CBFA2T3: variants seen among roughly 807,000 people sequenced by gnomAD.
The protein encoded by CBFA2T3 is transcriptional corepressor CBFA2T3.
In CBFA2T3, 31 loss-of-function variants were observed where a neutral mutation model predicts 58.6. The ratio of observed to expected loss-of-function variants is 0.53; its 90% confidence interval spans 0.40 to 0.71. The LOEUF (loss-of-function observed/expected upper bound fraction) is 0.71, where lower values mean the gene tolerates loss of function less well. Ranked by LOEUF, CBFA2T3 falls within the 30% of genes least tolerant of loss-of-function variation. CBFA2T3 has a pLI of 0.00. For synonymous variants in CBFA2T3, 531 were observed against 421.9 expected (o/e 1.26, Z -3.17); for missense variants, 1,076 against 963.1 (o/e 1.12, Z -1.55).
At chr16:88,913,606 C>T (rs1970596709) in intron 1 of CBFA2T3, among the ~76,000 whole-genome samples, 1 of 152,220 alleles carries the variant, frequency 6.6e-6, no homozygotes, top group Non-Finnish European at 1.5e-5. Flanking sequence ...GCCAATGCTG[C>T]ACTTGCCCTC....
At chr16:88,901,966 TG>T (rs1397000405) in intron 1 of CBFA2T3, among the ~76,000 whole-genome samples, 1 of 152,038 alleles carries the variant, frequency 6.6e-6, no homozygotes, top group African/African-American at 2.4e-5. Flanking sequence ...GACCAGGGAG[TG>T]GGCAGTGCCC....
At position 88,946,215 on chromosome 16, in the gene CBFA2T3, G is replaced by A. The variant is rs550792285; in HGVS notation, c.151+30442C>T. Among the ~76,000 whole-genome samples, 6 of 152,224 alleles carry A rather than the reference G, an allele frequency of 3.9e-5. No individual in the cohort carries two copies. In the South Asian group the frequency reaches 1.2e-3, roughly 32 times the overall value. On this transcript the variant is annotated intron_variant, in intron 1 of 11. Transcript: ENST00000268679. ...CCAGCTACTTGGGAGGCTGAGACAGGAGAATTGCTTGAACCCAGGAGGCAG... is the reference window on the plus strand; with the variant it reads ...CCAGCTACTTGGGAGGCTGAGACAGAAGAATTGCTTGAACCCAGGAGGCAG...
At chr16:88,898,564 C>A (rs2911455) in intron 2 of CBFA2T3, among the ~76,000 whole-genome samples, 2,406 of 152,350 alleles carry the variant, frequency 0.016, 60 homozygotes, top group African/African-American at 0.055. Flanking sequence ...AGGGGCGGGG[C>A]CCCTTGTTTT....
At chr16:88,899,776 G>T (rs1470467492) in intron 2 of CBFA2T3, among the ~76,000 whole-genome samples, 1 of 152,262 alleles carries the variant, frequency 6.6e-6, no homozygotes, top group African/African-American at 2.4e-5. Context: ...TGTCTGTGGA[G>T]CGGGTGTTTT....
At chr16:88,924,218 T>G (rs886637879) in intron 1 of CBFA2T3, among the ~76,000 whole-genome samples, 1 of 152,124 alleles carries the variant, frequency 6.6e-6, no homozygotes, top group Non-Finnish European at 1.5e-5. Flanking sequence ...TGAGCCTGAG[T>G]GAAGATCTGC....
rs546761451 is a variant in CBFA2T3 at position 88,922,835 on chromosome 16, T to C, written c.152-21179A>G. Reference sequence around the variant, plus strand: ...TTCACATGGCCAACAAAATACTAACTCATTTAACCTCGGCAGCACCCCCAC... The same window carrying C: ...TTCACATGGCCAACAAAATACTAACCCATTTAACCTCGGCAGCACCCCCAC... On this transcript the variant is annotated intron_variant, in intron 1 of 11. Coordinates refer to ENST00000268679, the MANE Select transcript of CBFA2T3 (RefSeq NM_005187.6). 2.6e-5 allele frequency among the ~76,000 whole-genome samples: 4 copies of C among 152,266 alleles called. No homozygotes were observed. The East Asian group carries it at 7.7e-4, about 29-fold the overall frequency.
chr16:88,882,589 T>C (rs202064610), intron 8 of CBFA2T3, 87 bp downstream of exon 8: 38 of 424,850 alleles, frequency 8.9e-5, no homozygotes, highest in Non-Finnish European at 1.3e-4. Context: ...TGGCTGTGTG[T>C]GCATGGCTGT....
chr16:88,887,390 G>C (rs903857040), intron 5 of CBFA2T3, among the ~76,000 whole-genome samples: 10 of 152,190 alleles, frequency 6.6e-5, no homozygotes, highest in African/African-American at 2.4e-4. Context: ...CTCTTGGTCA[G>C]TTCGGGAACC....
chr16:88,881,540 C>G (rs953247967), intron 8 of CBFA2T3, 51 bp from the exon 9 acceptor site: 2 of 1,546,256 alleles, frequency 1.3e-6, no homozygotes, highest in Admixed American at 3.5e-5. Flanking sequence ...CGGGACGCAC[C>G]AGACACTCCC....
chr16:88,964,031 C>A (rs977638485), intron 1 of CBFA2T3, among the ~76,000 whole-genome samples: 2 of 152,238 alleles, frequency 1.3e-5, no homozygotes, highest in African/African-American at 4.8e-5. Context: ...AGCCCTGCAC[C>A]TGTGAGGTAG....
chr16:88,970,779 A>G (rs1597802172), intron 1 of CBFA2T3, among the ~76,000 whole-genome samples: 1 of 152,204 alleles, frequency 6.6e-6, no homozygotes, highest in African/African-American at 2.4e-5. Context: ...CTGGGCCAGC[A>G]CCGTCTGCTG....
chr16:88,931,771 G>T (rs548787330), intron 1 of CBFA2T3, among the ~76,000 whole-genome samples: 337 of 152,268 alleles, frequency 2.2e-3, no homozygotes, highest in Middle Eastern at 0.01. Context: ...GTCTGGGCAG[G>T]TTTGGTTGGA....
chr16:88,928,772 TGTG>T (rs1012986869), intron 1 of CBFA2T3, among the ~76,000 whole-genome samples: 6 of 151,440 alleles, frequency 4.0e-5, no homozygotes, highest in Admixed American at 3.9e-4. Context: ...GGCTGGGAGG[TGTG>T]GTGGTTGGGA....
At chr16:88,968,358 C>T (rs1050891202) in intron 1 of CBFA2T3, among the ~76,000 whole-genome samples, 2 of 152,234 alleles carry the variant, frequency 1.3e-5, no homozygotes, top group African/African-American at 4.8e-5. Flanking sequence ...CGGAGAGCCC[C>T]CCAGGTGGGG....
chr16:88,901,184 G>A (rs866136999), intron 2 of CBFA2T3, among the ~76,000 whole-genome samples: 5 of 152,240 alleles, frequency 3.3e-5, no homozygotes, highest in East Asian at 1.9e-4. Flanking sequence ...CACAGCGGCC[G>A]GCTTTGACCC....
intron 1 of CBFA2T3, among the ~76,000 whole-genome samples, chr16:88,964,019 C>T (rs1972432052): frequency 6.6e-6 from 1 of 152,204 alleles, no homozygotes; most frequent in African/African-American, 2.4e-5. Flanking sequence ...CCCAGAGCTC[C>T]CAGCCCTGCA....
intron 1 of CBFA2T3, among the ~76,000 whole-genome samples, chr16:88,925,111 G>A (rs758224327): frequency 3.3e-5 from 5 of 152,368 alleles, no homozygotes; most frequent in East Asian, 1.9e-4. Flanking sequence ...CAACGGCCTC[G>A]TCCTGGACAC....
chr16:88,970,331 G>T (rs776232603), intron 1 of CBFA2T3, among the ~76,000 whole-genome samples: 1 of 152,214 alleles, frequency 6.6e-6, no homozygotes, highest in Admixed American at 6.5e-5. Flanking sequence ...GGAGAGGTGG[G>T]TTCGGAGGGG....
At chr16:88,956,197 G>A (rs1972216292) in intron 1 of CBFA2T3, among the ~76,000 whole-genome samples, 1 of 152,268 alleles carries the variant, frequency 6.6e-6, no homozygotes, top group African/African-American at 2.4e-5. Context: ...CCGAGGCCAT[G>A]TAGAGCCTCC....
Sources: gnomAD v4.1 joint callset for allele counts (sites outside exome capture counted in the v4.1 genomes callset) on GRCh38, gnomAD v4.1.1 for gene constraint, MANE v1.5 for transcripts, NCBI Gene and HGNC (gene_info 2026-07-23, HGNC 2026-07-21) for gene names.